LMCD1: variants seen among roughly 807,000 people sequenced by gnomAD.
LMCD1 encodes LIM and cysteine-rich domains protein 1.
In LMCD1, 32 loss-of-function variants were observed where a neutral mutation model predicts 42.7. The ratio of observed to expected loss-of-function variants is 0.75; its 90% CI spans 0.57 to 1.01. The LOEUF (loss-of-function observed/expected upper bound fraction) is 1.01. Among genes scored for constraint, LMCD1 ranks in the 50% least tolerant of loss-of-function variants. The probability of loss-of-function intolerance (pLI) is 0.00; values close to 1 mark genes in which losing one functional copy is unlikely to be tolerated. For missense variants in LMCD1, 458 were observed against 483.1 expected, an observed-to-expected ratio of 0.95 and a Z score of 0.49; for synonymous variants, 178 against 184.9, an observed-to-expected ratio of 0.96 and a Z score of 0.30.
chr3:8,536,444 CCTT>C (rs1559350986), intron 2 of LMCD1, among the ~76,000 whole-genome samples: 1 of 152,180 alleles, frequency 6.6e-6, no homozygotes, highest in Non-Finnish European at 1.5e-5. Flanking sequence ...GGATGTGTTT[CCTT>C]CTTCTGACAA....
chr3:8,521,002 A>G (rs185132521), intron 1 of LMCD1, among the ~76,000 whole-genome samples: 1 of 152,184 alleles, frequency 6.6e-6, no homozygotes, highest in Non-Finnish European at 1.5e-5. Context: ...CCTTTGTACA[A>G]TTCACTATTC....
intron 5 of LMCD1, among the ~76,000 whole-genome samples, 175 bp from the exon 6 acceptor site, chr3:8,567,265 C>T (rs1222004658): frequency 6.6e-6 from 1 of 152,134 alleles, no homozygotes; most frequent in Non-Finnish European, 1.5e-5. Flanking sequence ...CCACAACCTT[C>T]ACCAAATATT....
chr3:8,523,011 A>G lies in LMCD1; in HGVS notation c.43-9726A>G, dbSNP rs190783268. Among the ~76,000 whole-genome samples, 71 of 152,314 alleles carry G rather than the reference A, an allele frequency of 4.7e-4. 2 individuals carry two copies. In the East Asian group the frequency reaches 0.012, roughly 26 times the overall value. ...AACCATGTAATAGGAAAAATCATGGAATCTTTACCCTGAAGGGCTGCCGAT... is the reference window on the plus strand; with the variant it reads ...AACCATGTAATAGGAAAAATCATGGGATCTTTACCCTGAAGGGCTGCCGAT... On this transcript the variant is annotated intron_variant, in intron 1 of 5. Coordinates refer to ENST00000157600, the MANE Select transcript of LMCD1 (RefSeq NM_014583.4).
rs1695185668 is a variant in LMCD1, at chr3:8,569,903, C to G, written c.*2305C>G. ...AGTTACTCTAGAGGATAACCTGAGC[C>G]CAGTAAGTCAAGGCTGCAGTGAGCT... On this transcript the variant is annotated 3_prime_UTR_variant, in exon 6 of 6. Coordinates refer to ENST00000157600, the MANE Select transcript of LMCD1 (RefSeq NM_014583.4). 6.6e-6 allele frequency: 1 copy of G among 152,078 alleles called. No homozygotes were observed. The highest frequency in any genetic ancestry group is 1.5e-5 in the Non-Finnish European group (1 of 68,874). 9.4% of individuals were successfully genotyped at this position (152,078 alleles called of 1,614,324 possible).
At chr3:8,515,333 G>T (rs1381867260) in intron 1 of LMCD1, among the ~76,000 whole-genome samples, 1 of 152,190 alleles carries the variant, frequency 6.6e-6, no homozygotes, top group Non-Finnish European at 1.5e-5. Flanking sequence ...CGTGCTGAGA[G>T]GGTTTCCTCC....
rs1232894275 is a variant in LMCD1, at chr3:8,571,110, A to G, written c.*3512A>G. 6.6e-6 allele frequency: 1 copy of G among 152,100 alleles called. No individual in the cohort carries two copies. Among genetic ancestry groups the G allele is most frequent in the East Asian group, 1.9e-4 (1 of 5,184 alleles). 9.4% of individuals were successfully genotyped at this position (152,100 alleles called of 1,614,324 possible). On this transcript the variant is annotated 3_prime_UTR_variant, in exon 6 of 6. Coordinates refer to ENST00000157600, the MANE Select transcript of LMCD1 (RefSeq NM_014583.4). ...ATCCCCACCCCTCCCACTCTCTAGG[A>G]AGACTTTCCTCCCTCACCCTTCCCT... is the stretch of plus-strand genomic sequence containing the variant.
At chr3:8,514,364 G>A (rs868848633) in intron 1 of LMCD1, among the ~76,000 whole-genome samples, 19 of 152,336 alleles carry the variant, frequency 1.2e-4, no homozygotes, top group African/African-American at 4.6e-4. Flanking sequence ...ACAGGACAGA[G>A]TGCTGGAGAG....
intron 1 of LMCD1, among the ~76,000 whole-genome samples, chr3:8,529,566 C>A (rs1478444051): frequency 6.6e-6 from 1 of 152,138 alleles, no homozygotes. Context: ...TAGCAGAGCA[C>A]CGCGAGGGCA....
intron 4 of LMCD1, among the ~76,000 whole-genome samples, chr3:8,564,662 T>C (rs780411275): frequency 6.6e-6 from 1 of 152,226 alleles, no homozygotes; most frequent in African/African-American, 2.4e-5. Flanking sequence ...CAGGTTTTAA[T>C]GTAAACAAAT....
At chr3:8,542,493 T>A (rs988602265) in intron 3 of LMCD1, among the ~76,000 whole-genome samples, 1 of 151,976 alleles carries the variant, frequency 6.6e-6, no homozygotes. Flanking sequence ...TGCCCCAGGA[T>A]CCCTAGCACA....
At chr3:8,512,305 C>G (rs17049229) in intron 1 of LMCD1, among the ~76,000 whole-genome samples, 7,512 of 152,282 alleles carry the variant, frequency 0.049, 350 homozygotes, top group South Asian at 0.13. Context: ...CTGACTTGGT[C>G]TGAAAATGTG....
At chr3:8,516,788 G>T (rs1044823050) in intron 1 of LMCD1, among the ~76,000 whole-genome samples, 2 of 152,098 alleles carry the variant, frequency 1.3e-5, no homozygotes, top group African/African-American at 4.8e-5. Flanking sequence ...TCTTTAGTTT[G>T]CTAGTAAGAA....
intron 1 of LMCD1, among the ~76,000 whole-genome samples, chr3:8,509,415 G>C (rs1466476245): frequency 2.0e-5 from 3 of 152,020 alleles, no homozygotes; most frequent in African/African-American, 7.2e-5. Flanking sequence ...GCCCTCCCCT[G>C]CTCCATTACC....
Position 8,532,818 on chromosome 3 carries a change from T to G in LMCD1, c.124T>G (p.Ser42Ala). 1 of 1,613,462 alleles carries G rather than the reference T, an allele frequency of 6.2e-7. No homozygotes were observed. Among genetic ancestry groups the G allele is most frequent in the Non-Finnish European group, 8.5e-7 (1 of 1,179,594 alleles). The change falls in exon 2 of 6, where the codon TCA becomes GCA. Residue 42 changes from serine (S) to alanine (A), a missense_variant. Transcript: ENST00000157600. ...GACGTGTTCGGGCTTCGAGCCACAT[T>G]CATGGAGGTAACAGATTTTGTCAGG... ...KGTCSGFEPH[S>A]WRKICKSCKC...
chr3:8,550,539 C>A, intron 4 of LMCD1: 1 of 985,108 alleles, frequency 1.0e-6, no homozygotes, highest in Non-Finnish European at 1.2e-6. Flanking sequence ...CTTATTAGCA[C>A]CATCTGGGAT....
chr3:8,536,919 C>T (rs1694516358), intron 2 of LMCD1, among the ~76,000 whole-genome samples: 2 of 152,230 alleles, frequency 1.3e-5, no homozygotes, highest in Non-Finnish European at 2.9e-5. Flanking sequence ...CCGTGGCAAC[C>T]ACCAGGAGGG....
intron 1 of LMCD1, among the ~76,000 whole-genome samples, chr3:8,515,707 G>A (rs1694085285): frequency 6.6e-6 from 1 of 152,308 alleles, no homozygotes; most frequent in African/African-American, 2.4e-5. Context: ...ATCAAAAGAG[G>A]TAAGAGCAGC....
intron 1 of LMCD1, among the ~76,000 whole-genome samples, chr3:8,531,650 C>T (rs925667331): frequency 6.6e-6 from 1 of 152,194 alleles, no homozygotes; most frequent in Non-Finnish European, 1.5e-5. Context: ...TCCTTTACCT[C>T]AGACTTGCCC....
At chr3:8,526,295 C>A (rs1694298052) in intron 1 of LMCD1, among the ~76,000 whole-genome samples, 1 of 152,164 alleles carries the variant, frequency 6.6e-6, no homozygotes, top group Admixed American at 6.5e-5. Flanking sequence ...GGCTCTTTGG[C>A]ATGGAACTGT....
Sources: gnomAD v4.1 joint callset for allele counts (sites outside exome capture counted in the v4.1 genomes callset) on GRCh38, gnomAD v4.1.1 for gene constraint, MANE v1.5 for transcripts, NCBI Gene and HGNC (gene_info 2026-07-23, HGNC 2026-07-21) for gene names.